STAM2: variants seen among roughly 807,000 people sequenced by gnomAD.
STAM2 encodes the protein signal transducing adaptor molecule 2, also known as signal transducing adapter molecule 2.
Under a neutral mutation model 65.6 loss-of-function variants are expected in STAM2, and 51 were observed. That is an observed-to-expected ratio of 0.78 (90% CI 0.62 to 0.98). The LOEUF (loss-of-function observed/expected upper bound fraction) is 0.98. Ranked by LOEUF, STAM2 falls within the 50% of genes least tolerant of loss-of-function variation. The pLI is 0.00. For synonymous variants in STAM2, 198 were observed against 208.4 expected (o/e 0.95, Z 0.43); for missense variants, 584 against 617.8 (o/e 0.95, Z 0.58).
At chr2:152,173,352 G>A (rs375327126) in intron 1 of STAM2, among the ~76,000 whole-genome samples, 1 of 104,420 alleles carries the variant, frequency 9.6e-6, no homozygotes, top group African/African-American at 3.2e-5. Context: ...GTCTGTGGGC[G>A]TATATACACA....
chr2:152,131,755 G>C (rs11684622), intron 11 of STAM2: 33,495 of 224,390 alleles, frequency 0.15, 2,959 homozygotes, highest in Middle Eastern at 0.28. Context: ...CAAAACTGCT[G>C]TCCATCACTA....
chr2:152,164,752 C>T (rs1689745421), intron 1 of STAM2, among the ~76,000 whole-genome samples: 1 of 152,128 alleles, frequency 6.6e-6, no homozygotes, highest in Non-Finnish European at 1.5e-5. Flanking sequence ...ATGTCACCAC[C>T]AACATTTCTG....
At chr2:152,149,453 A>T (rs927329917) in intron 2 of STAM2, among the ~76,000 whole-genome samples, 1 of 151,304 alleles carries the variant, frequency 6.6e-6, no homozygotes, top group Non-Finnish European at 1.5e-5. Context: ...AAATCTGTGT[A>T]TAACTTTTGA....
chr2:152,163,329 T>C (rs1190804260), intron 1 of STAM2, among the ~76,000 whole-genome samples: 2 of 152,230 alleles, frequency 1.3e-5, no homozygotes, highest in Non-Finnish European at 2.9e-5. Flanking sequence ...TTCATGGACA[T>C]TTATCAGTTC....
intron 1 of STAM2, among the ~76,000 whole-genome samples, chr2:152,158,708 A>C (rs1689599467): frequency 6.6e-6 from 1 of 152,100 alleles, no homozygotes; most frequent in Non-Finnish European, 1.5e-5. Flanking sequence ...ACAGAAATTT[A>C]TTTCTCACAG....
At chr2:152,135,715 C>A in intron 7 of STAM2, 112 bp from the exon 8 acceptor site, 2 of 676,620 alleles carry the variant, frequency 3.0e-6, no homozygotes, top group South Asian at 1.9e-5. Context: ...TTACAAGCAG[C>A]TATAATTGAG....
chr2:152,124,708 A>G (rs1253022889), intron 12 of STAM2: 1 of 152,216 alleles, frequency 6.6e-6, no homozygotes. Context: ...AGTAAATACC[A>G]TTCATCTGAA....
chr2:152,169,348 C>G (rs1689857859), intron 1 of STAM2, among the ~76,000 whole-genome samples: 1 of 152,146 alleles, frequency 6.6e-6, no homozygotes, highest in African/African-American at 2.4e-5. Flanking sequence ...GCAATCATGG[C>G]TCACTGCAGC....
chr2:152,138,450 C>A (rs942080729), intron 7 of STAM2, among the ~76,000 whole-genome samples: 2 of 152,082 alleles, frequency 1.3e-5, no homozygotes, highest in Non-Finnish European at 2.9e-5. Context: ...TATCCAACAA[C>A]CTTTATGAAC....
At chr2:152,124,065 T>C (rs930596962) in intron 12 of STAM2, 130 bp from the exon 13 acceptor site, 1 of 744,986 alleles carries the variant, frequency 1.3e-6, no homozygotes, top group Non-Finnish European at 2.1e-6. Flanking sequence ...TCTACCAATC[T>C]ATCCATCTTA....
At chr2:152,125,391 T>G (rs894123511) in intron 12 of STAM2, among the ~76,000 whole-genome samples, 2 of 152,234 alleles carry the variant, frequency 1.3e-5, no homozygotes, top group African/African-American at 2.4e-5. Flanking sequence ...TGCACCCACA[T>G]TCTACCCTTT....
intron 7 of STAM2, among the ~76,000 whole-genome samples, chr2:152,136,438 C>CAA (rs561671468): frequency 1.4e-5 from 2 of 147,494 alleles, no homozygotes; most frequent in Non-Finnish European, 1.5e-5. Context: ...GACTCTGTCT[C>CAA]AAAAAAAAAA....
intron 5 of STAM2, among the ~76,000 whole-genome samples, chr2:152,145,269 A>G (rs914522495): frequency 6.6e-6 from 1 of 152,102 alleles, no homozygotes; most frequent in Non-Finnish European, 1.5e-5. Flanking sequence ...GGGTCTCACT[A>G]TGTTTCCTGG....
chr2:152,131,209 C>T (rs1049605771), intron 11 of STAM2, among the ~76,000 whole-genome samples: 1 of 151,990 alleles, frequency 6.6e-6, no homozygotes, highest in Non-Finnish European at 1.5e-5. Flanking sequence ...AATTCCAGCA[C>T]TTTGAGAGGC....
intron 1 of STAM2, among the ~76,000 whole-genome samples, chr2:152,165,467 C>CA (rs1009212135): frequency 1.3e-5 from 2 of 151,912 alleles, no homozygotes; most frequent in African/African-American, 4.8e-5. Flanking sequence ...ACTAACATGC[C>CA]AAAAAGTTAC....
chr2:152,175,431 C>T (rs1466961584), intron 1 of STAM2, among the ~76,000 whole-genome samples, 172 bp downstream of exon 1: 1 of 152,214 alleles, frequency 6.6e-6, no homozygotes, highest in East Asian at 1.9e-4. Context: ...GCTAGCGACG[C>T]GCCGAGGTTG....
At chr2:152,173,686 T>A (rs1202932944) in intron 1 of STAM2, among the ~76,000 whole-genome samples, 1 of 152,188 alleles carries the variant, frequency 6.6e-6, no homozygotes, top group East Asian at 1.9e-4. Context: ...CGTGAGCCGC[T>A]GCGCCTGACC....
chr2:152,174,669 C>A (rs1011514599), intron 1 of STAM2, among the ~76,000 whole-genome samples: 1 of 152,044 alleles, frequency 6.6e-6, no homozygotes, highest in South Asian at 2.1e-4. Flanking sequence ...TAAAAATTTA[C>A]CTAGGGTTCT....
chr2:152,130,473 G>C (rs925900437), intron 11 of STAM2, among the ~76,000 whole-genome samples: 1 of 151,780 alleles, frequency 6.6e-6, no homozygotes, highest in Admixed American at 6.6e-5. Flanking sequence ...GGATGGTCTC[G>C]ATCTCCTGAC....
Sources: gnomAD v4.1 joint callset for allele counts (sites outside exome capture counted in the v4.1 genomes callset) on GRCh38, gnomAD v4.1.1 for gene constraint, MANE v1.5 for transcripts, NCBI Gene and HGNC (gene_info 2026-07-23, HGNC 2026-07-21) for gene names.